ZNF225: variants seen among roughly 807,000 people sequenced by gnomAD.
ZNF225 encodes zinc finger protein 225.
In ZNF225, 6 loss-of-function variants were observed where a neutral mutation model predicts 12.0. The observed-to-expected ratio is 0.50, with a 90% CI of 0.27 to 0.98. The LOEUF is 0.98. Ranked by LOEUF, ZNF225 falls within the 50% of genes least tolerant of loss-of-function variation. The probability of loss-of-function intolerance (pLI) is 0.11; values close to 1 mark genes in which losing one functional copy is unlikely to be tolerated. For synonymous variants in ZNF225, 271 were observed against 283.2 expected, an observed-to-expected ratio of 0.96 and a Z score of 0.43; for missense variants, 763 against 848.2, an observed-to-expected ratio of 0.90 and a Z score of 1.25.
At chr19:44,115,949 C>T (rs1010207723) in intron 2 of ZNF225, 107 bp downstream of exon 2, 1 of 1,130,316 alleles carries the variant, frequency 8.8e-7, no homozygotes, top group African/African-American at 1.6e-5. Context: ...GCAACCTCCA[C>T]CTCCGGAGTT....
chr19:44,122,397 T>C (rs1387339628), intron 4 of ZNF225, among the ~76,000 whole-genome samples: 1 of 152,228 alleles, frequency 6.6e-6, no homozygotes, highest in Non-Finnish European at 1.5e-5. Flanking sequence ...TTGGTGACTA[T>C]GGTCTTATAG....
rs762466501 is a variant in ZNF225, at chr19:44,115,858, C to G, written c.15+16C>G. The stretch of plus-strand genomic sequence containing the variant: ...CACGTTGAAGGTGAGTAGAGCTTGC[C>G]TCTCTTGCTGTTAAAATTTCTTTTA... On this transcript the variant is annotated intron_variant, in intron 2 of 4. Transcript: ENST00000262894. The G allele has an allele frequency of 4.3e-6, 7 of 1,611,714 alleles. No individual in the cohort carries two copies. Among genetic ancestry groups the G allele is most frequent in the Non-Finnish European group, 5.1e-6 (6 of 1,178,796 alleles).
chr19:44,114,277 G>A lies in ZNF225; in HGVS notation c.-69+708G>A, dbSNP rs900820615. ...CACCCCAACCGAGAGTGTATAGGAT[G>A]TGTCTTCGGGCATGGGTGTTGCTTT... On this transcript the variant is annotated intron_variant, in intron 1 of 4. Coordinates refer to ENST00000262894, the MANE Select transcript of ZNF225 (RefSeq NM_013362.4). The A allele has an allele frequency of 7.8e-5, 53 of 678,286 alleles. 1 individual carries two copies. The South Asian group carries it at 9.4e-4, about 12-fold the overall frequency. The allele number at this position is 678,286 out of a possible 1,614,324, so 42.0% of individuals were successfully genotyped here.
In ZNF225 at chr19:44,132,793, A is replaced by G. The variant is rs1393316798; in HGVS notation, c.*58A>G. On this transcript the variant is annotated 3_prime_UTR_variant, in exon 5 of 5. Transcript: ENST00000262894. ...AGTTAATGCAAGTATACAATGTGTAATGATCAAATCAGTGTAATTAACATA... is the reference window on the plus strand; with the variant it reads ...AGTTAATGCAAGTATACAATGTGTAGTGATCAAATCAGTGTAATTAACATA... 4 of 1,365,292 alleles carry G rather than the reference A, an allele frequency of 2.9e-6. No individual in the cohort carries two copies. The highest frequency in any genetic ancestry group is 3.9e-6 in the Non-Finnish European group (4 of 1,017,724). The allele number at this position is 1,365,292 out of a possible 1,614,324, so 84.6% of individuals were successfully genotyped here. A position where few individuals can be genotyped will look rare whatever the true frequency, so the allele number is the denominator to read the frequency against.
chr19:44,119,559 C>G (rs1599674736), intron 4 of ZNF225, among the ~76,000 whole-genome samples: 1 of 152,336 alleles, frequency 6.6e-6, no homozygotes, highest in South Asian at 2.1e-4. Context: ...TAGTCATGCT[C>G]ACTCTGCCAC....
chr19:44,131,603 CA>C lies in ZNF225; in HGVS notation c.990del (p.Asn332IlefsTer33). The C allele has an allele frequency of 6.2e-7, 1 of 1,614,146 alleles. No homozygotes were observed. Among genetic ancestry groups the C allele is most frequent in the East Asian group, 2.2e-5 (1 of 44,864 alleles). ...GGTAAGAGCTTTGGTCTGAAATCAG[CA>C]CTTAATAGTCATCGCATGGTCCACA... is the stretch of plus-strand genomic sequence containing the variant. ...TCGKSFGLKS[A>X]LNSHRMVHTG... is the part of the protein sequence containing the mutation. On this transcript the variant is annotated frameshift_variant, in exon 5 of 5. Transcript: ENST00000262894. LOFTEE classifies it low-confidence loss of function (END_TRUNC).
rs1287798773 is a variant in ZNF225 at position 44,132,897 on chromosome 19, C to T, written c.*162C>T. On this transcript the variant is annotated 3_prime_UTR_variant, in exon 5 of 5. Transcript: ENST00000262894. ...CTGTCCTAGCTATTTGAAAATAATA[C>T]GTTGTTAATTACTGTCACCCTGTAG... is the stretch of plus-strand genomic sequence containing the variant. 5 of 635,508 alleles carry T rather than the reference C, an allele frequency of 7.9e-6. No homozygotes were observed. The highest frequency in any genetic ancestry group is 3.4e-5 in the Admixed American group (1 of 29,384). The allele number at this position is 635,508 out of a possible 1,614,324, so 39.4% of individuals were successfully genotyped here.
upstream of ZNF225, chr19:44,112,358 T>C (rs1268679185): frequency 6.6e-6 from 1 of 152,132 alleles, no homozygotes; most frequent in Non-Finnish European, 1.5e-5. Context: ...GGGAAATAAT[T>C]TGGGGCTGCT....
chr19:44,118,921 A>G (rs577038518), intron 4 of ZNF225, among the ~76,000 whole-genome samples: 1 of 150,384 alleles, frequency 6.6e-6, no homozygotes, highest in South Asian at 2.1e-4. Context: ...GGTTCACGCC[A>G]TTCTCCTGCC....
At chr19:44,118,616 C>T (rs747796841) in intron 4 of ZNF225, 42 bp downstream of exon 4, 7 of 1,575,622 alleles carry the variant, frequency 4.4e-6, no homozygotes, top group South Asian at 1.1e-5. Context: ...GTGACTCTCC[C>T]ATCGGTTTCA....
intron 4 of ZNF225, chr19:44,129,341 A>C: frequency 3.1e-6 from 1 of 321,108 alleles, no homozygotes; most frequent in Non-Finnish European, 5.6e-6. Context: ...CCATATTCTT[A>C]AAATTATGGG....
In ZNF225 at chr19:44,121,913, A is replaced by G. The variant is rs540463205; in HGVS notation, c.235+3339A>G. Among the ~76,000 whole-genome samples the G allele has an allele frequency of 4.6e-5, 7 of 152,304 alleles. No individual in the cohort carries two copies. In the East Asian group the frequency reaches 1.2e-3, roughly 25 times the overall value. ...GATATTAGTCCTTTGTCAGATGTAC[A>G]GATTGTAAAGATATTCTCCCACTCT... On this transcript the variant is annotated intron_variant, in intron 4 of 4. Transcript: ENST00000262894.
chr19:44,123,517 A>C (rs1041111187), intron 4 of ZNF225, among the ~76,000 whole-genome samples: 1 of 152,162 alleles, frequency 6.6e-6, no homozygotes, highest in African/African-American at 2.4e-5. Context: ...AGGATGAATT[A>C]GGAAGGGTTC....
chr19:44,121,269 C>T (rs1329532560), intron 4 of ZNF225, among the ~76,000 whole-genome samples: 1 of 152,180 alleles, frequency 6.6e-6, no homozygotes, highest in Non-Finnish European at 1.5e-5. Context: ...TCCTGAGTTA[C>T]TTCACTTAGA....
At chr19:44,123,634 G>C (rs777527293) in intron 4 of ZNF225, among the ~76,000 whole-genome samples, 3 of 151,856 alleles carry the variant, frequency 2.0e-5, no homozygotes, top group Non-Finnish European at 2.9e-5. Flanking sequence ...GACTTTTTTT[G>C]TTTGTAATTT....
At position 44,132,600 on chromosome 19, in the gene ZNF225, G is replaced by A. The variant is rs1371702428; in HGVS notation, c.1986G>A (p.Val662=). ...LQCEDCGKSI[V]HSSCLKDQQR... ...GTGAGGACTGTGGGAAGAGCATTGT[G>A]CACAGTTCATGCCTTAAAGACCAAC... Residue 662 remains valine, a synonymous_variant, in exon 5 of 5, where the codon GTG becomes GTA. Coordinates refer to ENST00000262894, the MANE Select transcript of ZNF225 (RefSeq NM_013362.4). 6.2e-7 allele frequency: 1 copy of A among 1,613,972 alleles called. No individual in the cohort carries two copies. The highest frequency in any genetic ancestry group is 1.7e-5 in the Admixed American group (1 of 59,986).
rs1968348707 is a variant in ZNF225 at position 44,134,360 on chromosome 19, A to G, written c.*1625A>G. 2.6e-5 allele frequency: 4 copies of G among 152,236 alleles called. No homozygotes were observed. In the East Asian group the frequency reaches 7.7e-4, roughly 29 times the overall value. 9.4% of individuals were successfully genotyped at this position (152,236 alleles called of 1,614,324 possible). A position where few individuals can be genotyped will look rare whatever the true frequency, so the allele number is the denominator to read the frequency against. ...ACTCCAAGAAGGGGAGCAAGTGTTC[A>G]GAATAACTTGAACCATGCCTACCAG... On this transcript the variant is annotated 3_prime_UTR_variant, in exon 5 of 5. Coordinates refer to ENST00000262894, the MANE Select transcript of ZNF225 (RefSeq NM_013362.4).
intron 4 of ZNF225, among the ~76,000 whole-genome samples, chr19:44,118,886 G>A (rs1010869862): frequency 1.7e-4 from 25 of 150,442 alleles, no homozygotes; most frequent in African/African-American, 4.4e-4. Flanking sequence ...GTGCAATCTC[G>A]GCTCACTGCA....
At chr19:44,114,081 G>C in intron 1 of ZNF225, 1 of 464,936 alleles carries the variant, frequency 2.2e-6, no homozygotes, top group Non-Finnish European at 3.8e-6. Context: ...TCCAGGAGGG[G>C]AGAGGAGCAT....
Sources: gnomAD v4.1 joint callset for allele counts (sites outside exome capture counted in the v4.1 genomes callset) on GRCh38, gnomAD v4.1.1 for gene constraint, MANE v1.5 for transcripts, NCBI Gene and HGNC (gene_info 2026-07-23, HGNC 2026-07-21) for gene names.